The following MLKL variants were observed in gnomAD, a reference collection of about 807,000 sequenced individuals.
The protein encoded by MLKL is mixed lineage kinase domain-like protein.
In MLKL, 55 loss-of-function variants were observed where a neutral mutation model predicts 56.5. That is an observed-to-expected ratio of 0.97 (90% CI 0.78 to 1.22). MLKL has a LOEUF of 1.22. MLKL is among the 50% of genes most tolerant of loss of function. The pLI, the probability that MLKL is intolerant of heterozygous loss-of-function variation, is 0.00. For synonymous variants in MLKL, 251 were observed against 208.3 expected, an observed-to-expected ratio of 1.20 and a Z score of -1.76; for missense variants, 694 against 573.9, an observed-to-expected ratio of 1.21 and a Z score of -2.14.
chr16:74,684,312 C>A (rs574301320), intron 5 of MLKL, among the ~76,000 whole-genome samples: 1 of 151,008 alleles, frequency 6.6e-6, no homozygotes, highest in Non-Finnish European at 1.5e-5. Flanking sequence ...TGTGGAGCAA[C>A]TTCCAAAGGG....
At chr16:74,676,450 T>G in intron 7 of MLKL, 1 of 985,458 alleles carries the variant, frequency 1.0e-6, no homozygotes, top group Non-Finnish European at 1.2e-6. Flanking sequence ...AGAAAAGGGA[T>G]AAGGCACTTA....
At chr16:74,682,290 G>A (rs555161979) in intron 6 of MLKL, among the ~76,000 whole-genome samples, 1 of 152,190 alleles carries the variant, frequency 6.6e-6, no homozygotes, top group South Asian at 2.1e-4. Context: ...TTTAGTATAA[G>A]TATATACCAT....
intron 5 of MLKL, among the ~76,000 whole-genome samples, chr16:74,684,889 G>C (rs1232629303): frequency 6.6e-6 from 1 of 151,640 alleles, no homozygotes; most frequent in Non-Finnish European, 1.5e-5. Context: ...TTTTGAGACG[G>C]AGTCTTGCTC....
At chr16:74,699,469 T>G (rs1419242245) in intron 1 of MLKL, among the ~76,000 whole-genome samples, 1 of 152,324 alleles carries the variant, frequency 6.6e-6, no homozygotes, top group East Asian at 1.9e-4. Context: ...GTTTAAGGTC[T>G]TATTAAGTAT....
At chr16:74,692,262 A>G in intron 3 of MLKL, 80 bp downstream of exon 3, 1 of 1,239,212 alleles carries the variant, frequency 8.1e-7, no homozygotes, top group Non-Finnish European at 1.2e-6. Context: ...ATGCAGGGGT[A>G]GCGGGAGGCT....
At chr16:74,676,057 T>G in intron 7 of MLKL, 1 of 354,410 alleles carries the variant, frequency 2.8e-6, no homozygotes, top group South Asian at 4.8e-5. Flanking sequence ...CCTGCTAAGT[T>G]GTAGTTGTTG....
rs1959514322 is a variant in MLKL at position 74,675,251 on chromosome 16, C to T, written c.1240+104G>A. The T allele has an allele frequency of 5.7e-6, 9 of 1,580,296 alleles. No homozygotes were observed. In the South Asian group the frequency reaches 7.9e-5, roughly 14 times the overall value. On this transcript the variant is annotated intron_variant, in intron 9 of 10. Transcript: ENST00000308807. ...CACTGACCAGCCCAGGCAGTTCCCA[C>T]ATTAAACAACAAATTGCCAGGGGCA...
intron 5 of MLKL, 150 bp from the exon 6 acceptor site, chr16:74,682,936 C>T (rs191336905): frequency 1.9e-5 from 17 of 903,480 alleles, no homozygotes; most frequent in African/African-American, 8.4e-5. Context: ...GTTTTGGTCC[C>T]CGGCCTCCTT....
At position 74,685,609 on chromosome 16, in the gene MLKL, G is replaced by A. The variant is rs760796455; in HGVS notation, c.723-26C>T. On this transcript the variant is annotated intron_variant, in intron 4 of 10. Coordinates refer to ENST00000308807, the MANE Select transcript of MLKL (RefSeq NM_152649.4). ...CTATAAGGATTAAAGAGAGAAATCA[G>A]GATTTCAGAACTGGAAGGTTCCTTA... 13 of 1,583,914 alleles carry A rather than the reference G, an allele frequency of 8.2e-6. No homozygotes were observed. The Admixed American group carries it at 2.2e-4, about 27-fold the overall frequency.
At position 74,691,482 on chromosome 16, in the gene MLKL, G is replaced by A; in HGVS notation, c.536-19C>T. On this transcript the variant is annotated intron_variant, in intron 3 of 10. Transcript: ENST00000308807. ...GGTAAATCTGACCTCACCCCCGAGA[G>A]GAAAGAAGACAAAAGAGTCAATGAG... 1.2e-6 allele frequency: 2 copies of A among 1,602,002 alleles called. No homozygotes were observed. The highest frequency in any genetic ancestry group is 1.1e-5 in the South Asian group (1 of 90,622).
Position 74,695,552 on chromosome 16 carries a change from A to G in MLKL, c.206T>C (p.Leu69Pro), listed in dbSNP as rs758096672. Residue 69 changes from leucine (L) to proline (P), a missense_variant, in exon 2 of 11, where the codon CTG (leucine) becomes CCG (proline). Leu to Pro is a moderately conservative substitution (Grantham distance 98). Transcript: ENST00000308807. ...TTCTATCTCCCCATTAGCCTCCTCC[A>G]GGGCAGCCTTGAAGCGGTTCATGGC... ...TTAMNRFKAA[L>P]EEANGEIEKF... 1.2e-6 allele frequency: 2 copies of G among 1,614,186 alleles called. No homozygotes were observed. The highest frequency in any genetic ancestry group is 2.2e-5 in the South Asian group (2 of 91,080).
chr16:74,696,696 G>T (rs1005583999), intron 1 of MLKL, among the ~76,000 whole-genome samples: 43 of 151,384 alleles, frequency 2.8e-4, no homozygotes, highest in African/African-American at 1.0e-3. Context: ...GGTGACTCAC[G>T]CCAGTAATCC....
rs1959293364 is a variant in MLKL at position 74,672,519 on chromosome 16, G to A, written c.1401C>T (p.Ser467=). Residue 467 remains serine (S), a synonymous_variant, in exon 11 of 11, where the codon TCC becomes TCT. Coordinates refer to ENST00000308807, the MANE Select transcript of MLKL (RefSeq NM_152649.4). ...TTTTGATACACTACTTAGAAAAGGT[G>A]GAGAGTTTCTTTAAGATTTCTGTGG... ...PSVDEILKKL[S]TFSK The A allele has an allele frequency of 2.5e-6, 4 of 1,613,912 alleles. No individual in the cohort carries two copies. The highest frequency in any genetic ancestry group is 1.1e-5 in the South Asian group (1 of 91,074).
chr16:74,676,241 C>G (rs910704190), intron 7 of MLKL: 26 of 992,020 alleles, frequency 2.6e-5, no homozygotes, highest in Non-Finnish European at 2.9e-5. Flanking sequence ...GGGGGGTCAG[C>G]CTGATCCTTT....
intron 6 of MLKL, among the ~76,000 whole-genome samples, chr16:74,682,180 G>A (rs927680947): frequency 2.0e-5 from 3 of 152,040 alleles, no homozygotes; most frequent in African/African-American, 4.8e-5. Flanking sequence ...CCTTCAGCTC[G>A]GGAGGTTAAG....
At chr16:74,675,224 T>C (rs1040901914) in intron 9 of MLKL, 124 bp from the exon 10 acceptor site, 15 of 1,552,650 alleles carry the variant, frequency 9.7e-6, no homozygotes, top group Non-Finnish European at 1.1e-5. Flanking sequence ...TTCCAACGAT[T>C]CCACTGACCA....
intron 4 of MLKL, among the ~76,000 whole-genome samples, chr16:74,690,511 A>G (rs1960599692): frequency 6.6e-6 from 1 of 152,166 alleles, no homozygotes; most frequent in South Asian, 2.1e-4. Flanking sequence ...GAGACAAAAT[A>G]TATGGCTCAC....
intron 6 of MLKL, 138 bp from the exon 7 acceptor site, chr16:74,679,118 A>T: frequency 1.5e-6 from 1 of 654,048 alleles, no homozygotes; most frequent in Non-Finnish European, 2.7e-6. Context: ...ACTGGGATGT[A>T]GAGGCAAGGT....
At chr16:74,698,820 T>G (rs1961208540) in intron 1 of MLKL, among the ~76,000 whole-genome samples, 2 of 152,088 alleles carry the variant, frequency 1.3e-5, no homozygotes, top group African/African-American at 4.8e-5. Context: ...TGGCATGGTA[T>G]GAAGAAAATT....
Sources: allele counts gnomAD v4.1 joint callset (sites outside exome capture counted in the v4.1 genomes callset), GRCh38; gene constraint gnomAD v4.1.1; transcripts MANE v1.5; gene names NCBI Gene and HGNC (gene_info 2026-07-23, HGNC 2026-07-21).